Variants in NELFA observed in about 807,000 individuals in gnomAD.
The protein encoded by NELFA is negative elongation factor A.
In NELFA, 35 loss-of-function variants were observed where a neutral mutation model predicts 51.8. That is an observed-to-expected ratio of 0.68 (90% CI 0.52 to 0.90). NELFA has a LOEUF of 0.90. Among genes scored for constraint, NELFA ranks in the 40% least tolerant of loss-of-function variants. The pLI is 0.00. For synonymous variants in NELFA, 417 were observed against 338.4 expected (o/e 1.23, Z -2.55); for missense variants, 658 against 746.4 (o/e 0.88, Z 1.38).
At chr4:1,985,130 T>C (rs1222759203) in intron 7 of NELFA, among the ~76,000 whole-genome samples, 1 of 152,024 alleles carries the variant, frequency 6.6e-6, no homozygotes, top group Admixed American at 6.5e-5. Flanking sequence ...GCCGCTCCTG[T>C]GTAGGAGAGG....
intron 1 of NELFA, among the ~76,000 whole-genome samples, chr4:1,994,981 G>A (rs1414103277): frequency 6.6e-6 from 1 of 152,182 alleles, no homozygotes; most frequent in African/African-American, 2.4e-5. Context: ...AACTTGACTG[G>A]GCCATGGGGC....
intron 1 of NELFA, 133 bp downstream of exon 1, chr4:2,008,617 C>T: frequency 2.1e-6 from 2 of 950,528 alleles, no homozygotes; most frequent in East Asian, 2.9e-5. Flanking sequence ...TGAGGGCGGG[C>T]CGGGGGGGTT....
intron 4 of NELFA, 60 bp downstream of exon 4, chr4:1,987,858 G>T: frequency 7.0e-7 from 1 of 1,419,100 alleles, no homozygotes; most frequent in Non-Finnish European, 9.6e-7. Context: ...CGGGTCTCCA[G>T]GTGAAGCCCT....
chr4:1,990,887 G>C (rs1314455415), intron 2 of NELFA, among the ~76,000 whole-genome samples: 2 of 152,162 alleles, frequency 1.3e-5, no homozygotes, highest in East Asian at 3.9e-4. Flanking sequence ...TGCAGCCTTG[G>C]CCTCCCAGGC....
chr4:1,997,572 C>T (rs192630865), intron 1 of NELFA, among the ~76,000 whole-genome samples: 157 of 152,320 alleles, frequency 1.0e-3, no homozygotes, highest in African/African-American at 3.2e-3. Flanking sequence ...TGTGCTCACA[C>T]CCACTAGGAT....
intron 1 of NELFA, among the ~76,000 whole-genome samples, chr4:1,997,815 T>G (rs926539364): frequency 3.9e-5 from 6 of 152,194 alleles, no homozygotes; most frequent in African/African-American, 1.4e-4. Context: ...GCTCCCTATG[T>G]CACCCAACTA....
chr4:2,008,808 G>A lies in NELFA; in HGVS notation c.152C>T (p.Ala51Val). The A allele has an allele frequency of 1.2e-6, 2 of 1,612,826 alleles. No individual in the cohort carries two copies. The highest frequency in any genetic ancestry group is 1.1e-5 in the South Asian group (1 of 90,738). ...IRLCFHGLSS[A>V]VKLKLLLGTL... ...CCCGAGTAGCAACTTGAGCTTCACT[G>A]CCGACGAGAGGCCATGGAAGCAGAG... The change falls in exon 1 of 11, where the codon GCA becomes GTA. Residue 51 changes from alanine to valine, a missense_variant. Around this residue, in one of 3 missense-constraint regions of NELFA, gnomAD observed 371 missense variants for 448.3 expected, o/e 0.83. Coordinates refer to ENST00000382882, the MANE Select transcript of NELFA (RefSeq NM_005663.5).
intron 1 of NELFA, among the ~76,000 whole-genome samples, chr4:2,002,056 C>T (rs1297002124): frequency 1.3e-5 from 2 of 151,796 alleles, no homozygotes; most frequent in African/African-American, 2.4e-5. Context: ...AAAAATTAGC[C>T]AGGCATGGTG....
In NELFA at chr4:1,986,145, G is replaced by A. The variant is rs1409170089; in HGVS notation, c.804C>T (p.Gly268=). ...TCTTCCTTCTCCGCTTCGCCTCTCG[G>A]CCAGCGCCAACCATATCCAGCTCAG... The part of the protein sequence containing the change: ...DISELDMVGA[G]REAKRRRKTL... Residue 268 remains glycine (G), a synonymous_variant, in exon 6 of 11, where the codon GGC becomes GGT. Coordinates refer to ENST00000382882, the MANE Select transcript of NELFA (RefSeq NM_005663.5). 2 of 1,554,858 alleles carry A rather than the reference G, an allele frequency of 1.3e-6. No homozygotes were observed. Among genetic ancestry groups the A allele is most frequent in the Non-Finnish European group, 1.7e-6 (2 of 1,149,060 alleles).
chr4:1,984,796 C>T lies in NELFA; in HGVS notation c.1036+12G>A, dbSNP rs1728029926. 3 of 1,548,896 alleles carry T rather than the reference C, an allele frequency of 1.9e-6. No homozygotes were observed. Among genetic ancestry groups the T allele is most frequent in the South Asian group, 2.4e-5 (2 of 83,746 alleles). On this transcript the variant is annotated intron_variant, in intron 8 of 10. Coordinates refer to ENST00000382882, the MANE Select transcript of NELFA (RefSeq NM_005663.5). ...AGCTTGGCTGGTTCCAGGCTGGGGCCAGCAGACTCACCTGGGGGCGTCTCG... is the reference window on the plus strand; with the variant it reads ...AGCTTGGCTGGTTCCAGGCTGGGGCTAGCAGACTCACCTGGGGGCGTCTCG...
At position 1,984,020 on chromosome 4, in the gene NELFA, T is replaced by G. The variant is rs1727999156; in HGVS notation, c.1130A>C (p.Tyr377Ser). Residue 377 changes from tyrosine (Y) to serine (S), a missense_variant, in exon 9 of 11, where the codon TAC becomes TCC. Tyr to Ser is a moderately radical substitution (Grantham distance 144). This residue lies in a region of NELFA where 200 missense variants were observed against 167.9 expected (regional missense o/e 1.19). Transcript: ENST00000382882. Reference sequence around the variant, plus strand: ...TGTGGCAGGGCTCAGGCCGCTGTTGTACATGGGCGCCCGCTGCTTGAACTG... The same window carrying G: ...TGTGGCAGGGCTCAGGCCGCTGTTGGACATGGGCGCCCGCTGCTTGAACTG... ...PAQFKQRAPM[Y>S]NSGLSPATPT... The G allele has an allele frequency of 6.2e-7, 1 of 1,607,978 alleles. No individual in the cohort carries two copies. The highest frequency in any genetic ancestry group is 8.5e-7 in the Non-Finnish European group (1 of 1,179,478).
rs142583682 is a variant in NELFA, at chr4:2,008,782, T to C, written c.178A>G (p.Thr60Ala). The change falls in exon 1 of 11, where the codon ACG (threonine) becomes GCG (alanine). Residue 60 changes from threonine to alanine, a missense_variant. Thr to Ala is a moderately conservative substitution (Grantham distance 58). Coordinates refer to ENST00000382882, the MANE Select transcript of NELFA (RefSeq NM_005663.5). ...SAVKLKLLLGTLHLPRRTVDE... is the reference protein window; with the variant it reads ...SAVKLKLLLGALHLPRRTVDE... ...ACCGTGCGGCGCGGGAGGTGCAGCG[T>C]CCCGAGTAGCAACTTGAGCTTCACT... 5 of 1,612,008 alleles carry C rather than the reference T, an allele frequency of 3.1e-6. No homozygotes were observed. Among genetic ancestry groups the C allele is most frequent in the Non-Finnish European group, 3.4e-6 (4 of 1,179,414 alleles).
chr4:2,003,354 T>C (rs988003180), intron 1 of NELFA, among the ~76,000 whole-genome samples: 2 of 152,166 alleles, frequency 1.3e-5, no homozygotes, highest in South Asian at 2.1e-4. Context: ...GAAATACCAT[T>C]TGACCCAGCA....
At chr4:1,999,373 C>T (rs959834668) in intron 1 of NELFA, among the ~76,000 whole-genome samples, 2 of 151,772 alleles carry the variant, frequency 1.3e-5, no homozygotes, top group African/African-American at 4.8e-5. Context: ...GAGTCAAGAC[C>T]CATTGGTGTG....
At chr4:1,990,291 A>T in intron 2 of NELFA, 3 of 418,068 alleles carry the variant, frequency 7.2e-6, no homozygotes, top group South Asian at 5.3e-5. Context: ...CTCTCCTGGA[A>T]CCCTGGCCCT....
At chr4:1,995,256 T>A (rs1403431026) in intron 1 of NELFA, among the ~76,000 whole-genome samples, 2 of 152,240 alleles carry the variant, frequency 1.3e-5, no homozygotes, top group African/African-American at 4.8e-5. Flanking sequence ...AGGGCTTACA[T>A]CACTGGCTCT....
intron 1 of NELFA, among the ~76,000 whole-genome samples, chr4:1,996,537 G>A (rs1219233546): frequency 1.3e-5 from 2 of 152,186 alleles, no homozygotes; most frequent in Admixed American, 1.3e-4. Context: ...GCCAGAAGCT[G>A]GTAGTTTGAA....
At chr4:2,004,288 A>C (rs1208832457) in intron 1 of NELFA, 1 of 152,220 alleles carries the variant, frequency 6.6e-6, no homozygotes, top group Non-Finnish European at 1.5e-5. Flanking sequence ...CTATAGAAGC[A>C]AAAAGTAGAT....
chr4:2,003,033 G>A (rs231194), intron 1 of NELFA, among the ~76,000 whole-genome samples: 43,608 of 151,994 alleles, frequency 0.29, 6,455 homozygotes, highest in African/African-American at 0.35. Flanking sequence ...AAACATATTT[G>A]TAAGAGAAAA....
Sources: allele counts gnomAD v4.1 joint callset (sites outside exome capture counted in the v4.1 genomes callset), GRCh38; gene constraint gnomAD v4.1.1; regional missense constraint gnomAD v4.1.1; transcripts MANE v1.5; gene names NCBI Gene and HGNC (gene_info 2026-07-23, HGNC 2026-07-21).